NAV1: variants seen among roughly 807,000 people sequenced by gnomAD.
NAV1 encodes the protein pore membrane and/or filament interacting like protein 3.
In NAV1, 18 loss-of-function variants were observed where a neutral mutation model predicts 175.2. The observed-to-expected ratio is 0.10, with a 90% CI of 0.07 to 0.15. The LOEUF (loss-of-function observed/expected upper bound fraction) is 0.15. Among genes scored for constraint, NAV1 ranks in the 10% least tolerant of loss-of-function variants. The pLI, the probability that NAV1 is intolerant of heterozygous loss-of-function variation, is 1.00. For missense variants in NAV1, 1,731 were observed against 2,436.6 expected, an observed-to-expected ratio of 0.71 and a Z score of 6.10; for synonymous variants, 897 against 978.7, an observed-to-expected ratio of 0.92 and a Z score of 1.56.
In NAV1 at chr1:201,789,598, GC is replaced by G; in HGVS notation, c.3167-141del. On this transcript the variant is annotated intron_variant, in intron 10 of 29. Transcript: ENST00000367296. Reference sequence around the variant, plus strand: ...CTTGCTTTGGGCTGTTTTGATACCAGCTGGGTTCCCTACTCTGTTCTTTCTG... The same window carrying G: ...CTTGCTTTGGGCTGTTTTGATACCAGTGGGTTCCCTACTCTGTTCTTTCTG... 5.0e-5 allele frequency: 37 copies of G among 739,728 alleles called. 1 individual carries two copies. The South Asian group carries it at 5.8e-4, about 12-fold the overall frequency. The allele number at this position is 739,728 out of a possible 1,614,324, so 45.8% of individuals were successfully genotyped here.
chr1:201,786,707 C>T, intron 9 of NAV1, 130 bp downstream of exon 13: 1 of 877,690 alleles, frequency 1.1e-6, no homozygotes, highest in Non-Finnish European at 1.7e-6. Context: ...TTTCATGGTG[C>T]CTCAGTTTAT....
chr1:201,770,859 A>G (rs1675528680), intron 3 of NAV1, among the ~76,000 whole-genome samples: 1 of 152,198 alleles, frequency 6.6e-6, no homozygotes, highest in South Asian at 2.1e-4. Context: ...CAGAAATCTG[A>G]GAAAGATCCC....
chr1:201,642,124 T>C (rs1270615648), intron 2 of NAV1, among the ~76,000 whole-genome samples: 1 of 148,956 alleles, frequency 6.7e-6, no homozygotes, highest in East Asian at 2.0e-4. Context: ...CTTCCCTTTC[T>C]TCTCTCTTTC....
chr1:201,719,897 C>T (rs1347203297), intron 3 of NAV1, among the ~76,000 whole-genome samples: 1 of 152,150 alleles, frequency 6.6e-6, no homozygotes, highest in Non-Finnish European at 1.5e-5. Flanking sequence ...AAGCTCCAGG[C>T]CATCCACTGT....
At chr1:201,821,004 T>C (rs962723085) in exon 30 of NAV1, 2 of 152,128 alleles carry the variant, frequency 1.3e-5, no homozygotes, top group African/African-American at 4.8e-5. Context: ...ACATGAAGCA[T>C]TGGCTCAGAA....
Position 201,787,421 on chromosome 1 carries a change from A to C in NAV1, c.2995+844A>C, listed in dbSNP as rs1676831845. ...GTGACTGTGGGGAATTTGAGGAAAG[A>C]CTAGGAATTGGGATCACTTGGCCTA... On this transcript the variant is annotated intron_variant, in intron 9 of 29. Coordinates refer to ENST00000367296, the Ensembl canonical transcript of NAV1. The surrounding 1 kb of genome is among the most constrained non-coding windows in gnomAD (Gnocchi z 4.3). Among the ~76,000 whole-genome samples, 1 of 152,198 alleles carries C rather than the reference A, an allele frequency of 6.6e-6. No homozygotes were observed. The highest frequency in any genetic ancestry group is 1.5e-5 in the Non-Finnish European group (1 of 68,036).
Position 201,783,403 on chromosome 1 carries a change from C to T in NAV1, c.2358-3C>T. On this transcript the variant is annotated splice_region_variant and splice_polypyrimidine_tract_variant and intron_variant, in intron 6 of 29. Coordinates refer to ENST00000367296, the Ensembl canonical transcript of NAV1. Reference sequence around the variant, plus strand: ...CTAAATATTTCGTTTGATCTTCTCTCAGGGCCACAGCGAAGAGCTTTGTCA... The same window carrying T: ...CTAAATATTTCGTTTGATCTTCTCTTAGGGCCACAGCGAAGAGCTTTGTCA... 1.2e-6 allele frequency: 2 copies of T among 1,612,898 alleles called. No homozygotes were observed. The highest frequency in any genetic ancestry group is 1.7e-6 in the Non-Finnish European group (2 of 1,179,228).
intron 1 of NAV1, among the ~76,000 whole-genome samples, chr1:201,712,432 A>G (rs767988016): frequency 2.6e-5 from 4 of 152,176 alleles, no homozygotes; most frequent in Non-Finnish European, 5.9e-5. Flanking sequence ...ACAACCCTGG[A>G]TAGGGGGTTT....
At chr1:201,819,038 G>A (rs188770439) in intron 29 of NAV1, among the ~76,000 whole-genome samples, 26 of 152,270 alleles carry the variant, frequency 1.7e-4, no homozygotes, top group Non-Finnish European at 1.0e-4. Flanking sequence ...GTAAAGAGAA[G>A]GAAGTGAGTA....
At position 201,568,356 on chromosome 1, in the gene NAV1, A is replaced by G. The variant is rs116470121; in HGVS notation, c.-143-20183A>G. 3.7e-3 allele frequency among the ~76,000 whole-genome samples: 558 copies of G among 152,238 alleles called. 5 individuals carry two copies. Among genetic ancestry groups the G allele is most frequent in the African/African-American group, 0.012 (519 of 41,546 alleles). On this transcript the variant is annotated intron_variant, in intron 1 of 33. Coordinates refer to the NAV1 transcript ENST00000685211. The stretch of plus-strand genomic sequence containing the variant: ...CTGTTTCCTGTAACACCCAAAGCCT[A>G]TTTGTTAATGGAGTGTCAGCACTCC...
chr1:201,597,380 C>T (rs1667381150), intron 2 of NAV1, among the ~76,000 whole-genome samples: 2 of 152,250 alleles, frequency 1.3e-5, no homozygotes, highest in African/African-American at 4.8e-5. Context: ...TACCCCCCTA[C>T]ACTCTCCTTC....
chr1:201,793,341 A>T, intron 13 of NAV1: 2 of 154,966 alleles, frequency 1.3e-5, no homozygotes, highest in Non-Finnish European at 2.9e-5. Context: ...GGAGGAAGAA[A>T]CGCACCAAAT....
intron 2 of NAV1, among the ~76,000 whole-genome samples, chr1:201,642,511 C>CTCTTTCTTTTTCTT (rs1553247032): frequency 0.014 from 642 of 45,496 alleles, 32 homozygotes; most frequent in African/African-American, 0.05. Context: ...CGCACCCGGC[C>CTCTTTCTTTTTCTT]TCTTTCTTTC....
Position 201,607,870 on chromosome 1 carries a change from T to TTGTGTGTGTGTGTG in NAV1, c.-32-14951_-32-14938dup, listed in dbSNP as rs57110688. ...AATATATAGTATAATGATAACTTTATTGTGTGTGTGTGTGTGTGTGTGTGT... is the reference window on the plus strand; with the variant it reads ...AATATATAGTATAATGATAACTTTATTGTGTGTGTGTGTGTGTGTGTGTGTGTGTGTGTGTGTGT... On this transcript the variant is annotated intron_variant, in intron 2 of 33. Coordinates refer to the NAV1 transcript ENST00000685211. 1.8e-3 allele frequency among the ~76,000 whole-genome samples: 252 copies of TTGTGTGTGTGTGTG among 138,264 alleles called. 1 individual carries two copies. The highest frequency in any genetic ancestry group is 4.7e-3 in the African/African-American group (174 of 36,638). The allele number at this position is 138,264 out of a possible 152,430, so 90.7% of individuals were successfully genotyped here.
intron 2 of NAV1, among the ~76,000 whole-genome samples, chr1:201,610,114 G>A (rs527402903): frequency 1.4e-4 from 22 of 152,274 alleles, no homozygotes; most frequent in African/African-American, 4.3e-4. Context: ...GCTGTGTGCC[G>A]GCTGCACCTG....
At chr1:201,776,171 G>T (rs1050691057) in intron 3 of NAV1, among the ~76,000 whole-genome samples, 1 of 151,754 alleles carries the variant, frequency 6.6e-6, no homozygotes, top group African/African-American at 2.4e-5. Flanking sequence ...TAGAAGAAAT[G>T]AAAAACTTAA....
At chr1:201,600,170 A>C (rs906643104) in intron 2 of NAV1, among the ~76,000 whole-genome samples, 7 of 152,180 alleles carry the variant, frequency 4.6e-5, no homozygotes, top group African/African-American at 1.7e-4. Flanking sequence ...AGGGGTCCCC[A>C]AGGCTGGAGC....
rs764799116 is a variant in NAV1, at chr1:201,783,403, C to A, written c.2358-3C>A. The A allele has an allele frequency of 1.3e-5, 21 of 1,612,780 alleles. No individual in the cohort carries two copies. The highest frequency in any genetic ancestry group is 8.5e-7 in the Non-Finnish European group (1 of 1,179,236). On this transcript the variant is annotated splice_region_variant and splice_polypyrimidine_tract_variant and intron_variant, in intron 6 of 29. Transcript: ENST00000367296. ...CTAAATATTTCGTTTGATCTTCTCT[C>A]AGGGCCACAGCGAAGAGCTTTGTCA...
intron 1 of NAV1, among the ~76,000 whole-genome samples, chr1:201,690,634 T>C (rs1670880879): frequency 6.6e-6 from 1 of 150,614 alleles, no homozygotes; most frequent in Admixed American, 6.6e-5. Context: ...GTCTATTTCC[T>C]CTGTGGCCTG....
Sources: allele counts gnomAD v4.1 joint callset (sites outside exome capture counted in the v4.1 genomes callset), GRCh38; gene constraint gnomAD v4.1.1; non-coding constraint Gnocchi (gnomAD v3.1); transcripts MANE v1.5; gene names NCBI Gene and HGNC (gene_info 2026-07-23, HGNC 2026-07-21).